RIMS1: variants seen among roughly 807,000 people sequenced by gnomAD.
RIMS1 encodes the protein regulating synaptic membrane exocytosis protein 1.
A neutral mutation model predicts 214.1 loss-of-function variants in RIMS1; 83 were observed. The observed-to-expected ratio is 0.39, with a 90% CI of 0.32 to 0.47. The LOEUF (loss-of-function observed/expected upper bound fraction) is 0.47. Ranked by LOEUF, RIMS1 falls within the 20% of genes least tolerant of loss-of-function variation. The pLI is 0.99. For missense variants in RIMS1, 2,050 were observed against 2,161.8 expected, an observed-to-expected ratio of 0.95 and a Z score of 1.03; for synonymous variants, 793 against 786.8, an observed-to-expected ratio of 1.01 and a Z score of -0.13.
At chr6:72,090,804 T>C (rs542406523) in intron 2 of RIMS1, among the ~76,000 whole-genome samples, 1 of 152,306 alleles carries the variant, frequency 6.6e-6, no homozygotes, top group African/African-American at 2.4e-5. Context: ...TCAAAATGTG[T>C]ATAAACAAGC....
At chr6:72,061,387 CAGTT>C (rs1483911175) in intron 2 of RIMS1, among the ~76,000 whole-genome samples, 1 of 152,228 alleles carries the variant, frequency 6.6e-6, no homozygotes, top group Non-Finnish European at 1.5e-5. Flanking sequence ...TTTAGTTACA[CAGTT>C]AGGCTGGTCA....
At chr6:72,160,971 C>G (rs1465717438) in intron 4 of RIMS1, among the ~76,000 whole-genome samples, 1 of 138,002 alleles carries the variant, frequency 7.2e-6, no homozygotes, top group Non-Finnish European at 1.6e-5. Context: ...CCAGCTCATT[C>G]TTGTATCTTT....
chr6:72,288,682 C>T lies in RIMS1; in HGVS notation c.3555-1997C>T, dbSNP rs2154243988. On this transcript the variant is annotated intron_variant, in intron 24 of 33. Transcript: ENST00000521978. ...ACTTGGTTCTATCATCTCTCCTCTG[C>T]AAAACCTTGCTCTTCTCTCTCTAAG... Among the ~76,000 whole-genome samples, 3 of 152,272 alleles carry T rather than the reference C, an allele frequency of 2.0e-5. No individual in the cohort carries two copies. In the Middle Eastern group the frequency reaches 0.01, roughly 518 times the overall value.
In RIMS1 at chr6:72,339,459, G is replaced by A. The variant is rs189806005; in HGVS notation, c.4366+5624G>A. Among the ~76,000 whole-genome samples the A allele has an allele frequency of 5.3e-5, 8 of 151,132 alleles. No individual in the cohort carries two copies. The South Asian group carries it at 1.7e-3, about 31-fold the overall frequency. On this transcript the variant is annotated intron_variant, in intron 29 of 33. Transcript: ENST00000521978. ...TCCCCCCACCCCACAACAGTCCCCA[G>A]TGTGTGATGTTCCCCTTCCTTTGTC...
intron 4 of RIMS1, among the ~76,000 whole-genome samples, chr6:72,151,943 A>C (rs2043655010): frequency 6.6e-6 from 1 of 152,164 alleles, no homozygotes; most frequent in Non-Finnish European, 1.5e-5. Flanking sequence ...CCAGTGTAGC[A>C]CATGGCCAGA....
intron 1 of RIMS1, among the ~76,000 whole-genome samples, chr6:71,952,181 T>A (rs1789809921): frequency 1.3e-5 from 2 of 152,142 alleles, no homozygotes; most frequent in African/African-American, 4.8e-5. Flanking sequence ...AAAAGCCTTG[T>A]GAATCTCCAG....
intron 2 of RIMS1, among the ~76,000 whole-genome samples, chr6:72,019,163 T>C (rs1813757507): frequency 6.6e-6 from 1 of 151,076 alleles, no homozygotes; most frequent in Non-Finnish European, 1.5e-5. Flanking sequence ...TCCAAACCCA[T>C]AGGATGAAAA....
intron 1 of RIMS1, among the ~76,000 whole-genome samples, chr6:71,898,842 T>A (rs1438712459): frequency 6.6e-6 from 1 of 152,172 alleles, no homozygotes; most frequent in African/African-American, 2.4e-5. Flanking sequence ...GTCTTCTGTG[T>A]CCTAGTACAG....
intron 1 of RIMS1, among the ~76,000 whole-genome samples, chr6:71,921,352 C>T (rs375407129): frequency 1.3e-5 from 2 of 152,164 alleles, no homozygotes; most frequent in African/African-American, 4.8e-5. Flanking sequence ...AACCCCTGAC[C>T]TCGTGATCCA....
intron 5 of RIMS1, among the ~76,000 whole-genome samples, chr6:72,181,510 GT>G (rs1230346832): frequency 1.3e-5 from 2 of 152,182 alleles, no homozygotes; most frequent in South Asian, 2.1e-4. Flanking sequence ...AAAGAGTTCT[GT>G]TTTTGACATA....
chr6:72,110,435 T>A (rs2035811025), intron 4 of RIMS1, among the ~76,000 whole-genome samples: 1 of 151,058 alleles, frequency 6.6e-6, no homozygotes, highest in African/African-American at 2.4e-5. Flanking sequence ...GTAAGTTGGA[T>A]TCCTAGGTAT....
At chr6:72,121,405 T>C (rs182237502) in intron 4 of RIMS1, among the ~76,000 whole-genome samples, 1,696 of 152,068 alleles carry the variant, frequency 0.011, 41 homozygotes, top group Non-Finnish European at 0.018. Context: ...TTTTATTCTC[T>C]TTGAAACAAT....
At chr6:72,167,950 T>C (rs1180357526) in intron 4 of RIMS1, among the ~76,000 whole-genome samples, 1 of 152,130 alleles carries the variant, frequency 6.6e-6, no homozygotes, top group Non-Finnish European at 1.5e-5. Context: ...CTAATATTTA[T>C]TATTTTCTTC....
At chr6:72,086,543 G>A (rs1834705120) in intron 2 of RIMS1, among the ~76,000 whole-genome samples, 1 of 152,096 alleles carries the variant, frequency 6.6e-6, no homozygotes, top group African/African-American at 2.4e-5. Context: ...ATAATATCAG[G>A]TAATAAAATA....
intron 2 of RIMS1, among the ~76,000 whole-genome samples, chr6:72,015,811 A>C (rs1270530908): frequency 6.6e-6 from 1 of 152,134 alleles, no homozygotes; most frequent in Non-Finnish European, 1.5e-5. Flanking sequence ...CTGTAGTCCC[A>C]GCTACTTGGG....
rs532654928 is a variant in RIMS1 at position 72,160,595 on chromosome 6, G to T, written c.472-18980G>T. ...TTTATTGAGAGTTTTTAGCATGAAGGGCTGTTGAATTTTGTCAAATGCCTT... is the reference window on the plus strand; with the variant it reads ...TTTATTGAGAGTTTTTAGCATGAAGTGCTGTTGAATTTTGTCAAATGCCTT... On this transcript the variant is annotated intron_variant, in intron 4 of 33. Transcript: ENST00000521978. Among the ~76,000 whole-genome samples the T allele has an allele frequency of 8.6e-4, 121 of 140,312 alleles. 5 individuals are homozygous for T. Among genetic ancestry groups the T allele is most frequent in the African/African-American group, 3.0e-3 (121 of 40,650 alleles). The allele number at this position is 140,312 out of a possible 152,430, so 92.1% of individuals were successfully genotyped here. A position where few individuals can be genotyped will look rare whatever the true frequency, so the allele number is the denominator to read the frequency against.
At chr6:72,127,962 G>A (rs977504541) in intron 4 of RIMS1, among the ~76,000 whole-genome samples, 6 of 152,112 alleles carry the variant, frequency 3.9e-5, no homozygotes, top group South Asian at 2.1e-4. Context: ...AGCAGTTAGC[G>A]CACATAGTTT....
chr6:72,182,186 G>T (rs1351092408), intron 5 of RIMS1, 98 bp from the exon 6 acceptor site: 6 of 1,308,354 alleles, frequency 4.6e-6, no homozygotes, highest in Admixed American at 2.5e-5. Flanking sequence ...ACTAATTATT[G>T]TAACTGAAAT....
chr6:71,956,369 A>G (rs1791283282), intron 1 of RIMS1, among the ~76,000 whole-genome samples: 1 of 152,162 alleles, frequency 6.6e-6, no homozygotes, highest in African/African-American at 2.4e-5. Flanking sequence ...GTTGAAACTT[A>G]CAACCAAGAA....
Sources: gnomAD v4.1 joint callset for allele counts (sites outside exome capture counted in the v4.1 genomes callset) on GRCh38, gnomAD v4.1.1 for gene constraint, MANE v1.5 for transcripts, NCBI Gene and HGNC (gene_info 2026-07-23, HGNC 2026-07-21) for gene names.